The following SLC25A26 variants were observed in gnomAD, a reference collection of about 807,000 sequenced individuals.
SLC25A26 encodes mitochondrial S-adenosylmethionine carrier protein.
SLC25A26 carries 36 observed loss-of-function variants against 37.8 expected under a neutral mutation model. The observed-to-expected ratio is 0.95, with a 90% CI of 0.73 to 1.26. The LOEUF (loss-of-function observed/expected upper bound fraction) is 1.26, where lower values mean the gene tolerates loss of function less well. Among genes scored for constraint, SLC25A26 ranks in the 50% most tolerant of loss-of-function variants. The pLI is 0.00. For synonymous variants in SLC25A26, 129 were observed against 122.5 expected (o/e 1.05, Z -0.35); for missense variants, 390 against 331.1 (o/e 1.18, Z -1.38).
At chr3:66,341,140 C>T (rs1246902578) in intron 5 of SLC25A26, among the ~76,000 whole-genome samples, 3 of 152,088 alleles carry the variant, frequency 2.0e-5, no homozygotes, top group Non-Finnish European at 4.4e-5. Context: ...TGAAAATAAA[C>T]ATCCTTACCT....
chr3:66,289,369 T>C (rs1195087307), intron 5 of SLC25A26, among the ~76,000 whole-genome samples: 1 of 152,250 alleles, frequency 6.6e-6, no homozygotes, highest in Non-Finnish European at 1.5e-5. Flanking sequence ...GCCATTGCTT[T>C]TGGTGTTTTA....
At chr3:66,178,867 A>T (rs1246199748) in intron 1 of SLC25A26, among the ~76,000 whole-genome samples, 3 of 152,218 alleles carry the variant, frequency 2.0e-5, no homozygotes, top group Non-Finnish European at 2.9e-5. Context: ...TATGTATATA[A>T]TTGTTTAAAG....
At chr3:66,247,195 C>T (rs13101213) in intron 3 of SLC25A26, among the ~76,000 whole-genome samples, 41,239 of 151,846 alleles carry the variant, frequency 0.27, 5,861 homozygotes, top group Admixed American at 0.32. Flanking sequence ...AATTGGTCAG[C>T]AGTGGGTACA....
chr3:66,298,100 G>C (rs897059999), intron 5 of SLC25A26, among the ~76,000 whole-genome samples: 2 of 152,186 alleles, frequency 1.3e-5, no homozygotes, highest in Admixed American at 1.3e-4. Context: ...TTCTGAATCA[G>C]AAACTTGGGG....
intron 5 of SLC25A26, among the ~76,000 whole-genome samples, chr3:66,292,755 C>A (rs1403833552): frequency 6.6e-6 from 1 of 152,052 alleles, no homozygotes; most frequent in African/African-American, 2.4e-5. Flanking sequence ...CTTTGTGAAT[C>A]TTGACGATTA....
rs770175741 is a variant in SLC25A26 at position 66,367,701 on chromosome 3, CAGACACAGAG to C, written c.569-1773_569-1764del. Among the ~76,000 whole-genome samples the C allele has an allele frequency of 2.5e-3, 375 of 149,194 alleles. 2 individuals are homozygous for C. Among genetic ancestry groups the C allele is most frequent in the African/African-American group, 9.2e-3 (369 of 40,094 alleles). On this transcript the variant is annotated intron_variant, in intron 7 of 9. Coordinates refer to ENST00000354883, the MANE Select transcript of SLC25A26 (RefSeq NM_001379210.1). The stretch of plus-strand genomic sequence containing the variant: ...ATAGATAGACAGACAGACAGACAGA[CAGACACAGAG>C]AGAGAGAGAGAGAGAGAGAGACAGA...
chr3:66,339,404 G>C (rs1006157250), intron 5 of SLC25A26, among the ~76,000 whole-genome samples: 5 of 151,994 alleles, frequency 3.3e-5, no homozygotes, highest in Admixed American at 6.5e-5. Flanking sequence ...TGGAATTGCT[G>C]GATTTTATGG....
chr3:66,261,481 T>G (rs888634311), intron 3 of SLC25A26: 6 of 152,570 alleles, frequency 3.9e-5, no homozygotes, highest in African/African-American at 1.4e-4. Flanking sequence ...GAATCATATA[T>G]TGGCTGGTAG....
At chr3:66,225,329 A>G (rs142030329) in intron 1 of SLC25A26, among the ~76,000 whole-genome samples, 9 of 152,230 alleles carry the variant, frequency 5.9e-5, no homozygotes, top group South Asian at 2.1e-4. Flanking sequence ...CACAGTACCA[A>G]CACCATGTGG....
intron 3 of SLC25A26, among the ~76,000 whole-genome samples, chr3:66,243,671 G>A (rs1680402): frequency 0.47 from 71,349 of 152,028 alleles, 18,549 homozygotes; most frequent in African/African-American, 0.69. Flanking sequence ...TTTCCTTTCC[G>A]AAATAGTTTC....
At chr3:66,188,632 CATGTTTTT>C (rs2070875810) in intron 1 of SLC25A26, among the ~76,000 whole-genome samples, 1 of 152,164 alleles carries the variant, frequency 6.6e-6, no homozygotes, top group African/African-American at 2.4e-5. Flanking sequence ...ATGCTAGTGC[CATGTTTTT>C]TGTATAGTCT....
chr3:66,244,237 A>G (rs974284288), intron 3 of SLC25A26, among the ~76,000 whole-genome samples: 4 of 152,230 alleles, frequency 2.6e-5, no homozygotes, highest in African/African-American at 9.6e-5. Context: ...GCAAAAAACA[A>G]AGAGACCAGT....
chr3:66,212,383 C>T (rs1487941914), intron 1 of SLC25A26, among the ~76,000 whole-genome samples: 2 of 152,128 alleles, frequency 1.3e-5, no homozygotes, highest in African/African-American at 2.4e-5. Context: ...CCCAAAGTGC[C>T]AGGATTACAA....
intron 6 of SLC25A26, among the ~76,000 whole-genome samples, chr3:66,354,421 A>G (rs1282318554): frequency 1.3e-5 from 2 of 152,206 alleles, no homozygotes; most frequent in African/African-American, 4.8e-5. Context: ...ATCAGGGACC[A>G]ATGCATTATC....
chr3:66,297,888 C>G (rs2074955887), intron 5 of SLC25A26, among the ~76,000 whole-genome samples: 1 of 152,172 alleles, frequency 6.6e-6, no homozygotes, highest in East Asian at 1.9e-4. Flanking sequence ...TTGTCAATTT[C>G]TCTTTAATTC....
intron 5 of SLC25A26, among the ~76,000 whole-genome samples, chr3:66,279,721 A>G (rs542534068): frequency 6.6e-6 from 1 of 152,312 alleles, no homozygotes; most frequent in African/African-American, 2.4e-5. Context: ...TTTAGTGTGT[A>G]TCCTGATTAT....
At position 66,378,775 on chromosome 3, in the gene SLC25A26, AAAG is replaced by A. The variant is rs1700839406; in HGVS notation, c.*972_*974del. The stretch of plus-strand genomic sequence containing the variant: ...TAAAGGCAGAATGACTGCGTTTGTA[AAAG>A]AAGGACCACCAACTATACTGACATT... On this transcript the variant is annotated 3_prime_UTR_variant, in exon 10 of 10. Coordinates refer to ENST00000354883, the MANE Select transcript of SLC25A26 (RefSeq NM_001379210.1). 1.3e-5 allele frequency: 2 copies of A among 152,614 alleles called. No individual in the cohort carries two copies. Among genetic ancestry groups the A allele is most frequent in the South Asian group, 2.1e-4 (1 of 4,824 alleles). The allele number at this position is 152,614 out of a possible 1,614,324, so 9.5% of individuals were successfully genotyped here.
chr3:66,297,629 T>G (rs1332387162), intron 5 of SLC25A26, among the ~76,000 whole-genome samples: 1 of 152,230 alleles, frequency 6.6e-6, no homozygotes, highest in Non-Finnish European at 1.5e-5. Context: ...AACTATGACC[T>G]GTGGGCCTAA....
intron 5 of SLC25A26, among the ~76,000 whole-genome samples, chr3:66,335,018 T>G (rs1024572463): frequency 2.6e-5 from 4 of 152,248 alleles, no homozygotes; most frequent in African/African-American, 7.2e-5. Flanking sequence ...ATAAATGAAC[T>G]GTTGTAATTG....
Sources: allele counts gnomAD v4.1 joint callset (sites outside exome capture counted in the v4.1 genomes callset), GRCh38; gene constraint gnomAD v4.1.1; transcripts MANE v1.5; gene names NCBI Gene and HGNC (gene_info 2026-07-23, HGNC 2026-07-21).